Variants in TAFA4 observed in about 807,000 individuals in gnomAD.
TAFA4 encodes the protein TAFA chemokine like family member 4, also known as chemokine-like protein TAFA-4.
Under a neutral mutation model 21.1 loss-of-function variants are expected in TAFA4, and 20 were observed. That is an observed-to-expected ratio of 0.95 (90% CI 0.67 to 1.38). The LOEUF is 1.38. TAFA4 is among the 40% of genes most tolerant of loss of function. The probability of loss-of-function intolerance (pLI) is 0.00; values close to 1 mark genes in which losing one functional copy is unlikely to be tolerated. For synonymous variants in TAFA4, 71 were observed against 67.4 expected (o/e 1.05, Z -0.26); for missense variants, 211 against 180.9 (o/e 1.17, Z -0.95).
chr3:68,873,124 T>C (rs1405321458), intron 3 of TAFA4, among the ~76,000 whole-genome samples: 8 of 152,028 alleles, frequency 5.3e-5, no homozygotes, highest in African/African-American at 1.4e-4. Flanking sequence ...CAGTGACTTA[T>C]AGAAACAATC....
chr3:68,851,198 T>C (rs1299323353), intron 3 of TAFA4, among the ~76,000 whole-genome samples: 1 of 152,146 alleles, frequency 6.6e-6, no homozygotes, highest in African/African-American at 2.4e-5. Context: ...TACAGGGACA[T>C]GGATGGAGCT....
At chr3:68,788,423 A>G (rs749063900) in intron 3 of TAFA4, among the ~76,000 whole-genome samples, 2 of 152,172 alleles carry the variant, frequency 1.3e-5, no homozygotes, top group African/African-American at 4.8e-5. Context: ...ATTTCTGACT[A>G]TGCTATTTAA....
intron 3 of TAFA4, among the ~76,000 whole-genome samples, chr3:68,803,665 T>G (rs1703623095): frequency 6.6e-6 from 1 of 151,240 alleles, no homozygotes; most frequent in Non-Finnish European, 1.5e-5. Flanking sequence ...CCTGTGTTTG[T>G]TTTTCAATAG....
rs1703718486 is a variant in TAFA4 at position 68,807,138 on chromosome 3, G to C, written c.131-54120C>G. Among the ~76,000 whole-genome samples, 4 of 152,278 alleles carry C rather than the reference G, an allele frequency of 2.6e-5. 1 individual carries two copies. The South Asian group carries it at 8.3e-4, about 32-fold the overall frequency. On this transcript the variant is annotated intron_variant, in intron 3 of 5. Coordinates refer to ENST00000295569, the MANE Select transcript of TAFA4 (RefSeq NM_182522.5). ...GTTTGCCTCAGCTGATCGGTCTAGGGCAGCTAATCCACAGGCTGGCTAGTG... is the reference window on the plus strand; with the variant it reads ...GTTTGCCTCAGCTGATCGGTCTAGGCCAGCTAATCCACAGGCTGGCTAGTG...
At chr3:68,869,076 A>G (rs2089452243) in intron 3 of TAFA4, among the ~76,000 whole-genome samples, 1 of 151,996 alleles carries the variant, frequency 6.6e-6, no homozygotes, top group Non-Finnish European at 1.5e-5. Flanking sequence ...ATGGATCATC[A>G]ACAGCTATAT....
At chr3:68,774,617 A>ATTGTATTC (rs1703018304) in intron 3 of TAFA4, among the ~76,000 whole-genome samples, 1 of 152,266 alleles carries the variant, frequency 6.6e-6, no homozygotes, top group Non-Finnish European at 1.5e-5. Context: ...TATTGGGTCA[A>ATTGTATTC]CTAGTAGCCA....
rs556001612 is a variant in TAFA4 at position 68,802,973 on chromosome 3, T to C, written c.131-49955A>G. ...ATCCAAGCTTACAGGGATGCTGAGC[T>C]GTACAATCCAAGAGAGAACTCTCAG... On this transcript the variant is annotated intron_variant, in intron 3 of 5. Coordinates refer to ENST00000295569, the MANE Select transcript of TAFA4 (RefSeq NM_182522.5). Among the ~76,000 whole-genome samples the C allele has an allele frequency of 1.4e-4, 21 of 152,356 alleles. 2 individuals carry two copies. The South Asian group carries it at 4.4e-3, about 32-fold the overall frequency.
At chr3:68,799,076 A>G (rs1403181997) in intron 3 of TAFA4, among the ~76,000 whole-genome samples, 1 of 152,208 alleles carries the variant, frequency 6.6e-6, no homozygotes, top group African/African-American at 2.4e-5. Flanking sequence ...GCAGCAAAGC[A>G]TCAGGAGTTT....
intron 3 of TAFA4, among the ~76,000 whole-genome samples, chr3:68,839,940 C>G (rs1575634706): frequency 6.6e-6 from 1 of 152,206 alleles, no homozygotes; most frequent in African/African-American, 2.4e-5. Context: ...GCACTAGCCA[C>G]AGACAGATTT....
intron 4 of TAFA4, among the ~76,000 whole-genome samples, chr3:68,745,551 C>T (rs953079779): frequency 2.6e-5 from 4 of 152,148 alleles, no homozygotes; most frequent in Admixed American, 2.6e-4. Flanking sequence ...AAGACAGTGA[C>T]GCCCTCCCTG....
intron 3 of TAFA4, among the ~76,000 whole-genome samples, chr3:68,826,935 T>C (rs2106872019): frequency 6.6e-6 from 1 of 152,322 alleles, no homozygotes; most frequent in East Asian, 1.9e-4. Flanking sequence ...GTGCACAACA[T>C]GCAGGTTTTT....
chr3:68,896,131 A>G (rs187912575), intron 1 of TAFA4, among the ~76,000 whole-genome samples: 14 of 152,292 alleles, frequency 9.2e-5, no homozygotes, highest in Admixed American at 9.2e-4. Context: ...AAAGAGAGGT[A>G]GGAGGTAATG....
intron 3 of TAFA4, among the ~76,000 whole-genome samples, chr3:68,863,238 C>T (rs145022662): frequency 1.3e-5 from 2 of 150,748 alleles, no homozygotes; most frequent in Non-Finnish European, 3.0e-5. Flanking sequence ...AGAGTGAGAC[C>T]CTGTCTCAAA....
chr3:68,855,616 A>T (rs1477464501), intron 3 of TAFA4, among the ~76,000 whole-genome samples: 2 of 152,114 alleles, frequency 1.3e-5, no homozygotes, highest in African/African-American at 2.4e-5. Context: ...GGGGGAAAAA[A>T]GTTGTAGAAC....
At chr3:68,848,208 C>T (rs932089461) in intron 3 of TAFA4, among the ~76,000 whole-genome samples, 4 of 152,202 alleles carry the variant, frequency 2.6e-5, no homozygotes, top group South Asian at 4.1e-4. Flanking sequence ...TACCACCTGG[C>T]AACACCTGTG....
At chr3:68,753,984 C>A (rs535845143) in intron 3 of TAFA4, among the ~76,000 whole-genome samples, 1 of 152,336 alleles carries the variant, frequency 6.6e-6, no homozygotes, top group African/African-American at 2.4e-5. Flanking sequence ...ATGTGTGGTA[C>A]TTTGTTATTA....
At chr3:68,820,095 A>G (rs1704079021) in intron 3 of TAFA4, among the ~76,000 whole-genome samples, 1 of 152,258 alleles carries the variant, frequency 6.6e-6, no homozygotes, top group Admixed American at 6.5e-5. Context: ...ATGCAATACT[A>G]TTCAGCCTTA....
rs1191125940 is a variant in TAFA4 at position 68,788,356 on chromosome 3, C to T, written c.131-35338G>A. On this transcript the variant is annotated intron_variant, in intron 3 of 5. Coordinates refer to ENST00000295569, the MANE Select transcript of TAFA4 (RefSeq NM_182522.5). ...CATTCTTACCCCAGATATCATCGGG[C>T]TGGCTCCTTCATCTTCTTTGAATCT... 2.0e-5 allele frequency among the ~76,000 whole-genome samples: 3 copies of T among 152,228 alleles called. No homozygotes were observed. The East Asian group carries it at 5.8e-4, about 29-fold the overall frequency.
intron 3 of TAFA4, among the ~76,000 whole-genome samples, chr3:68,816,613 G>T (rs961623626): frequency 2.0e-5 from 3 of 152,026 alleles, no homozygotes; most frequent in Non-Finnish European, 4.4e-5. Context: ...AATCCTCAGG[G>T]TTTTTCATAT....
Sources: gnomAD v4.1 joint callset for allele counts (sites outside exome capture counted in the v4.1 genomes callset) on GRCh38, gnomAD v4.1.1 for gene constraint, MANE v1.5 for transcripts, NCBI Gene and HGNC (gene_info 2026-07-23, HGNC 2026-07-21) for gene names.